TECTA: variants seen among roughly 807,000 people sequenced by gnomAD.
TECTA encodes the protein tectorin alpha, also known as alpha-tectorin.
A neutral mutation model predicts 216.8 loss-of-function variants in TECTA; 128 were observed. The observed-to-expected ratio is 0.59, with a 90% CI of 0.51 to 0.68. TECTA has a LOEUF of 0.68. Among genes scored for constraint, TECTA ranks in the 30% least tolerant of loss-of-function variants. TECTA has a pLI of 0.00. For missense variants in TECTA, 2,551 were observed against 2,786.2 expected (o/e 0.92, Z 1.90); for synonymous variants, 1,089 against 1,117.1 (o/e 0.97, Z 0.50).
rs375404227 is a variant in TECTA, at chr11:121,102,777, A to G, written c.64+48A>G. On this transcript the variant is annotated intron_variant, in intron 2 of 23. Coordinates refer to ENST00000392793, the MANE Select transcript of TECTA (RefSeq NM_005422.4). ...AAGCTCTCAGTTAGCATGCTCTTGA[A>G]TTGATAAAGAGACACTTTTATTGGA... 3.3e-6 allele frequency: 5 copies of G among 1,518,398 alleles called. No individual in the cohort carries two copies. The African/African-American group carries it at 6.9e-5, about 21-fold the overall frequency. 94.1% of individuals were successfully genotyped at this position (1,518,398 alleles called of 1,614,324 possible).
At chr11:121,151,472 G>T (rs1191939166) in intron 12 of TECTA, among the ~76,000 whole-genome samples, 1 of 152,236 alleles carries the variant, frequency 6.6e-6, no homozygotes, top group Non-Finnish European at 1.5e-5. Context: ...GAGCAGAAAT[G>T]TGTATATATT....
intron 20 of TECTA, among the ~76,000 whole-genome samples, chr11:121,174,253 A>T (rs1947141755): frequency 1.3e-5 from 2 of 151,758 alleles, no homozygotes; most frequent in Admixed American, 1.3e-4. Context: ...GAGAGAGGGC[A>T]TCCCTGTCTT....
rs758447223 is a variant in TECTA at position 121,189,057 on chromosome 11, C to G, written c.6163-23C>G. ...TATCAGCTTAATTGTGTGAAAATTT[C>G]CCCCTGGTATTCTGTCTTGCAGACT... On this transcript the variant is annotated intron_variant, in intron 21 of 23. Coordinates refer to ENST00000392793, the MANE Select transcript of TECTA (RefSeq NM_005422.4). 3 of 1,612,304 alleles carry G rather than the reference C, an allele frequency of 1.9e-6. No homozygotes were observed. The South Asian group carries it at 3.3e-5, about 18-fold the overall frequency.
chr11:121,137,111 A>G (rs745566921), intron 10 of TECTA, among the ~76,000 whole-genome samples: 2 of 152,162 alleles, frequency 1.3e-5, no homozygotes, highest in African/African-American at 4.8e-5. Flanking sequence ...CACACATGCA[A>G]TCACACACAT....
intron 20 of TECTA, among the ~76,000 whole-genome samples, chr11:121,184,496 C>T (rs569349248): frequency 9.2e-5 from 14 of 152,324 alleles, no homozygotes; most frequent in Admixed American, 7.2e-4. Flanking sequence ...GCACCCATCC[C>T]TGTGGTGGTC....
In TECTA at chr11:121,118,393, A is replaced by G. The variant is rs185351501; in HGVS notation, c.878A>G (p.Tyr293Cys). The stretch of plus-strand genomic sequence containing the variant: ...TGTCTGGATTTCAACAATGAGATCT[A>G]CTGCCAGGAGGCTTCCTGTAGCCCC... ...CRCLDFNNEI[Y>C]CQEASCSPYE... The change falls in exon 7 of 24, where the codon TAC becomes TGC. Residue 293 changes from tyrosine to cysteine, a missense_variant. Tyr to Cys is a radical substitution (Grantham distance 194, BLOSUM62 -2). Around this residue, in one of 3 missense-constraint regions of TECTA, gnomAD observed 2,375 missense variants for 2,563.9 expected, o/e 0.93. Coordinates refer to ENST00000392793, the MANE Select transcript of TECTA (RefSeq NM_005422.4). 16 of 1,614,182 alleles carry G rather than the reference A, an allele frequency of 9.9e-6. No homozygotes were observed. In the Admixed American group the frequency reaches 2.0e-4, roughly 20 times the overall value.
At chr11:121,159,341 T>G (rs553423522) in intron 14 of TECTA, among the ~76,000 whole-genome samples, 1 of 152,258 alleles carries the variant, frequency 6.6e-6, no homozygotes, top group African/African-American at 2.4e-5. Context: ...AAAACAAAAA[T>G]GACCACCCAA....
chr11:121,109,951 G>A (rs1188757584), intron 4 of TECTA: 1 of 187,026 alleles, frequency 5.3e-6, no homozygotes, highest in African/African-American at 2.4e-5. Flanking sequence ...GAGAAAAATA[G>A]CGTTCCAAGT....
chr11:121,110,636 G>A (rs577243737), intron 4 of TECTA: 1 of 152,280 alleles, frequency 6.6e-6, no homozygotes, highest in South Asian at 2.1e-4. Flanking sequence ...CGACTCCTCG[G>A]GTGATGTTTT....
At chr11:121,146,323 T>A in intron 12 of TECTA, 1 of 622,602 alleles carries the variant, frequency 1.6e-6, no homozygotes, top group Non-Finnish European at 2.8e-6. Context: ...GGAGTTAATA[T>A]CACTTATTTC....
intron 8 of TECTA, among the ~76,000 whole-genome samples, chr11:121,126,428 G>C (rs1020382080): frequency 6.6e-6 from 1 of 152,234 alleles, no homozygotes; most frequent in African/African-American, 2.4e-5. Flanking sequence ...CCCCAACTTT[G>C]AGGGAAATCC....
At chr11:121,178,080 T>C (rs1433446410) in intron 20 of TECTA, among the ~76,000 whole-genome samples, 1 of 152,232 alleles carries the variant, frequency 6.6e-6, no homozygotes, top group Non-Finnish European at 1.5e-5. Flanking sequence ...GTGCCGTCTG[T>C]CACCCCTTTC....
chr11:121,111,154 A>G (rs87466), intron 4 of TECTA, among the ~76,000 whole-genome samples: 40,817 of 152,098 alleles, frequency 0.27, 5,793 homozygotes, highest in Admixed American at 0.34. Flanking sequence ...ATATTTACTG[A>G]GGGTTTACTA....
chr11:121,125,901 G>T, intron 8 of TECTA, 29 bp downstream of exon 8: 8 of 1,599,994 alleles, frequency 5.0e-6, no homozygotes, highest in Non-Finnish European at 6.8e-6. Context: ...CCCATGACAG[G>T]TCTCTCTTGT....
At chr11:121,189,315 A>AC in intron 22 of TECTA, 148 bp downstream of exon 22, 1 of 748,308 alleles carries the variant, frequency 1.3e-6, no homozygotes, top group Non-Finnish European at 2.3e-6. Flanking sequence ...TTCCTTAAAG[A>AC]CATCTTTTCA....
intron 16 of TECTA, among the ~76,000 whole-genome samples, chr11:121,164,446 T>C (rs1166195574): frequency 6.6e-6 from 1 of 152,208 alleles, no homozygotes; most frequent in Non-Finnish European, 1.5e-5. Flanking sequence ...GCAGAGCGAT[T>C]CTTTAAATAA....
At chr11:121,144,567 G>C (rs1396506586) in intron 11 of TECTA, among the ~76,000 whole-genome samples, 1 of 151,126 alleles carries the variant, frequency 6.6e-6, no homozygotes, top group East Asian at 1.9e-4. Flanking sequence ...CAAGCTGGCT[G>C]TCTCTATCTT....
intron 20 of TECTA, among the ~76,000 whole-genome samples, chr11:121,183,559 T>A (rs1226062662): frequency 6.6e-6 from 1 of 152,154 alleles, no homozygotes; most frequent in African/African-American, 2.4e-5. Flanking sequence ...TTTATTTTCA[T>A]GCCTCGGAGA....
At chr11:121,173,118 A>C (rs1202929751) in intron 20 of TECTA, among the ~76,000 whole-genome samples, 2 of 151,814 alleles carry the variant, frequency 1.3e-5, no homozygotes, top group African/African-American at 4.8e-5. Flanking sequence ...GGTTCCAAAA[A>C]TTTTCTCCCA....
Sources: gnomAD v4.1 joint callset for allele counts (sites outside exome capture counted in the v4.1 genomes callset) on GRCh38, gnomAD v4.1.1 for gene constraint, gnomAD v4.1.1 regional missense constraint, MANE v1.5 for transcripts, NCBI Gene and HGNC (gene_info 2026-07-23, HGNC 2026-07-21) for gene names.